Variants in SMC5 observed in about 807,000 individuals in gnomAD.
SMC5 encodes the protein structural maintenance of chromosomes 5, also known as structural maintenance of chromosomes protein 5.
In SMC5, 88 loss-of-function variants were observed where a neutral mutation model predicts 148.3. That is an observed-to-expected ratio of 0.59 (90% CI 0.50 to 0.71). The LOEUF (loss-of-function observed/expected upper bound fraction) is 0.71, where lower values mean the gene tolerates loss of function less well. Among genes scored for constraint, SMC5 ranks in the 30% least tolerant of loss-of-function variants. The pLI is 0.00. For synonymous variants in SMC5, 421 were observed against 432.8 expected (o/e 0.97, Z 0.34); for missense variants, 1,142 against 1,298.9 (o/e 0.88, Z 1.86).
At position 70,264,457 on chromosome 9, in the gene SMC5, T is replaced by A. The variant is rs376089638; in HGVS notation, c.327+12T>A. On this transcript the variant is annotated intron_variant, in intron 2 of 24. Transcript: ENST00000361138. ...GACGAGCAGATAAGGTGAGTTAATA[T>A]AATTACTTTTTAAGAAATTTCAAAC... 8 of 1,610,728 alleles carry A rather than the reference T, an allele frequency of 5.0e-6. No homozygotes were observed. In the African/African-American group the frequency reaches 1.1e-4, roughly 22 times the overall value.
In SMC5 at chr9:70,350,281, T is replaced by C. The variant is rs1373236601; in HGVS notation, c.3057T>C (p.Asp1019=). ...ELNRCPFRVV[D]EINQGMDPIN... is the part of the protein sequence containing the mutation. ...ATAGATGTCCATTCAGAGTAGTTGA[T>C]GAAATCAATCAGGTATGGTGATTGT... The change falls in exon 23 of 25, where the codon GAT becomes GAC. Residue 1019 remains aspartate, a synonymous_variant. Coordinates refer to ENST00000361138, the MANE Select transcript of SMC5 (RefSeq NM_015110.4). 6.2e-7 allele frequency: 1 copy of C among 1,612,806 alleles called. No individual in the cohort carries two copies. Among genetic ancestry groups the C allele is most frequent in the South Asian group, 1.1e-5 (1 of 90,700 alleles).
intron 15 of SMC5, 117 bp downstream of exon 15, chr9:70,319,080 A>C: frequency 1.1e-6 from 1 of 945,776 alleles, no homozygotes; most frequent in Admixed American, 3.5e-5. Flanking sequence ...TTTCTCTTTA[A>C]TCTTTAATCT....
chr9:70,297,268 A>G (rs1429992105), intron 8 of SMC5, among the ~76,000 whole-genome samples: 1 of 152,232 alleles, frequency 6.6e-6, no homozygotes, highest in Admixed American at 6.5e-5. Context: ...ATGTTGAACC[A>G]TCAGGAAATA....
Position 70,323,517 on chromosome 9 carries a change from G to A in SMC5, c.2185G>A (p.Glu729Lys), listed in dbSNP as rs776725660. ...KLMEQDTCNL[E>K]EEERKASTKI... ...GATGGAACAGGATACTTGCAATCTT[G>A]AAGAGGAAGAGCGAAAAGCAAGTAC... The change falls in exon 16 of 25, where the codon GAA (glutamate) becomes AAA (lysine). Residue 729 changes from glutamate (E) to lysine (K), a missense_variant. Coordinates refer to ENST00000361138, the MANE Select transcript of SMC5 (RefSeq NM_015110.4). 6 of 1,611,666 alleles carry A rather than the reference G, an allele frequency of 3.7e-6. No homozygotes were observed. Among genetic ancestry groups the A allele is most frequent in the South Asian group, 1.1e-5 (1 of 90,796 alleles).
intron 8 of SMC5, 22 bp from the exon 9 acceptor site, chr9:70,297,944 T>C: frequency 6.2e-7 from 1 of 1,603,390 alleles, no homozygotes; most frequent in South Asian, 1.1e-5. Context: ...TCTCAAGTAC[T>C]AACCTACTTT....
chr9:70,292,228 G>A (rs181942165), intron 8 of SMC5, among the ~76,000 whole-genome samples: 28 of 152,160 alleles, frequency 1.8e-4, no homozygotes, highest in Admixed American at 7.9e-4. Context: ...AAATGTTGCT[G>A]GGATTTTAAT....
rs546879358 is a variant in SMC5 at position 70,324,069 on chromosome 9, A to G, written c.2323A>G (p.Thr775Ala). 3 of 1,598,746 alleles carry G rather than the reference A, an allele frequency of 1.9e-6. No homozygotes were observed. Among genetic ancestry groups the G allele is most frequent in the Admixed American group, 1.8e-5 (1 of 55,338 alleles). Reference sequence around the variant, plus strand: ...AAAAGTAGATTTAATTCTCCAAAATACTACAGTGATCTCTGAGAAGAACAA... The same window carrying G: ...AAAAGTAGATTTAATTCTCCAAAATGCTACAGTGATCTCTGAGAAGAACAA... ...IQKVDLILQNTTVISEKNKLE... is the reference protein window; with the variant it reads ...IQKVDLILQNATVISEKNKLE... Residue 775 changes from threonine to alanine, a missense_variant, in exon 17 of 25, where the codon ACT becomes GCT. Thr to Ala is a moderately conservative substitution (Grantham distance 58). Coordinates refer to ENST00000361138, the MANE Select transcript of SMC5 (RefSeq NM_015110.4).
chr9:70,320,135 T>A (rs2035907260), intron 15 of SMC5, among the ~76,000 whole-genome samples: 1 of 152,226 alleles, frequency 6.6e-6, no homozygotes, highest in Non-Finnish European at 1.5e-5. Flanking sequence ...AACTCCAAAC[T>A]TAGTCACACA....
chr9:70,272,404 G>C (rs2118063141), intron 3 of SMC5, among the ~76,000 whole-genome samples: 1 of 152,284 alleles, frequency 6.6e-6, no homozygotes, highest in Non-Finnish European at 1.5e-5. Flanking sequence ...ACATGGTAAA[G>C]TTTGAGATGC....
intron 11 of SMC5, among the ~76,000 whole-genome samples, chr9:70,312,704 T>G (rs955604944): frequency 2.6e-5 from 4 of 152,236 alleles, no homozygotes; most frequent in African/African-American, 9.6e-5. Context: ...GGTTTTGCAC[T>G]TTATTCTGTT....
In SMC5 at chr9:70,315,496, C is replaced by G; in HGVS notation, c.1724C>G (p.Pro575Arg). ...YLRELFDAPD[P>R]VMSYLCCQYH... ...AGAGAATTATTTGATGCACCTGATC[C>G]TGTAATGAGTTACCTTTGCTGTCAG... is the stretch of plus-strand genomic sequence containing the variant. Residue 575 changes from proline (P) to arginine (R), a missense_variant, in exon 13 of 25, where the codon CCT becomes CGT. Around this residue, in one of 5 missense-constraint regions of SMC5, gnomAD observed 743 missense variants for 835.7 expected, o/e 0.89. Coordinates refer to ENST00000361138, the MANE Select transcript of SMC5 (RefSeq NM_015110.4). The G allele has an allele frequency of 6.3e-7, 1 of 1,598,750 alleles. No homozygotes were observed. The highest frequency in any genetic ancestry group is 8.5e-7 in the Non-Finnish European group (1 of 1,170,740).
intron 13 of SMC5, among the ~76,000 whole-genome samples, chr9:70,315,878 G>C (rs1019066704): frequency 1.3e-5 from 2 of 152,026 alleles, no homozygotes; most frequent in East Asian, 1.9e-4. Flanking sequence ...ATTCTGCCTT[G>C]CTTGGTAAAT....
Position 70,293,269 on chromosome 9 carries a change from T to G in SMC5, c.1054-4697T>G, listed in dbSNP as rs901266053. ...TATGTATGCATAAATTCTCTTATCC[T>G]TTGATATGTATAGAATCTGCAGTGA... On this transcript the variant is annotated intron_variant, in intron 8 of 24. Coordinates refer to ENST00000361138, the MANE Select transcript of SMC5 (RefSeq NM_015110.4). Among the ~76,000 whole-genome samples, 4 of 152,134 alleles carry G rather than the reference T, an allele frequency of 2.6e-5. 1 individual carries two copies. Among genetic ancestry groups the G allele is most frequent in the Admixed American group, 2.6e-4 (4 of 15,278 alleles).
intron 17 of SMC5, among the ~76,000 whole-genome samples, chr9:70,334,870 T>A (rs915295492): frequency 1.3e-5 from 2 of 152,120 alleles, no homozygotes; most frequent in Non-Finnish European, 2.9e-5. Flanking sequence ...TTACTGGTCT[T>A]GGGTAGCAAA....
intron 5 of SMC5, among the ~76,000 whole-genome samples, chr9:70,279,078 A>G (rs1230148323): frequency 6.6e-6 from 1 of 152,174 alleles, no homozygotes; most frequent in Non-Finnish European, 1.5e-5. Context: ...AGAATTACAC[A>G]TTTAGTTGGA....
chr9:70,283,510 A>G (rs971988460), intron 7 of SMC5, among the ~76,000 whole-genome samples: 1 of 152,180 alleles, frequency 6.6e-6, no homozygotes, highest in Non-Finnish European at 1.5e-5. Context: ...AAATCAATAA[A>G]GAATCTCTGA....
chr9:70,339,718 A>G (rs1248161736), intron 17 of SMC5, among the ~76,000 whole-genome samples: 1 of 152,216 alleles, frequency 6.6e-6, no homozygotes, highest in Non-Finnish European at 1.5e-5. Context: ...AATTCACAAA[A>G]GAAGATTGAC....
intron 10 of SMC5, among the ~76,000 whole-genome samples, chr9:70,303,088 A>G (rs573448773): frequency 6.6e-6 from 1 of 152,272 alleles, no homozygotes; most frequent in South Asian, 2.1e-4. Context: ...TTAGCTGGGC[A>G]TGGTGGCATG....
intron 2 of SMC5, among the ~76,000 whole-genome samples, chr9:70,265,383 C>T (rs1438564282): frequency 6.6e-6 from 1 of 152,080 alleles, no homozygotes; most frequent in Non-Finnish European, 1.5e-5. Flanking sequence ...TGCTTGAATC[C>T]AGGAGGCGGA....
Sources: allele counts gnomAD v4.1 joint callset (sites outside exome capture counted in the v4.1 genomes callset), GRCh38; gene constraint gnomAD v4.1.1; regional missense constraint gnomAD v4.1.1; transcripts MANE v1.5; gene names NCBI Gene and HGNC (gene_info 2026-07-23, HGNC 2026-07-21).